The following CAMKMT variants were observed in gnomAD, a reference collection of about 807,000 sequenced individuals.
The protein encoded by CAMKMT is CaM KMT.
A neutral mutation model predicts 48.0 loss-of-function variants in CAMKMT; 53 were observed. The observed-to-expected ratio is 1.10, with a 90% CI of 0.89 to 1.39. The LOEUF (loss-of-function observed/expected upper bound fraction) is 1.39, where lower values mean the gene tolerates loss of function less well. Among genes scored for constraint, CAMKMT ranks in the 40% most tolerant of loss-of-function variants. CAMKMT has a pLI of 0.00. For missense variants in CAMKMT, 428 were observed against 402.7 expected (o/e 1.06, Z -0.54); for synonymous variants, 165 against 152.3 (o/e 1.08, Z -0.61).
intron 3 of CAMKMT, among the ~76,000 whole-genome samples, chr2:44,415,038 G>C (rs1683457959): frequency 1.3e-5 from 2 of 152,202 alleles, no homozygotes; most frequent in Admixed American, 6.5e-5. Flanking sequence ...TGTAGTCCTA[G>C]CTACTCAGGA....
intron 1 of CAMKMT, among the ~76,000 whole-genome samples, chr2:44,362,938 C>T (rs1358376385): frequency 1.3e-5 from 2 of 152,200 alleles, no homozygotes; most frequent in Non-Finnish European, 2.9e-5. Flanking sequence ...CAGTGTTATG[C>T]CTCTGCCTGA....
intron 3 of CAMKMT, among the ~76,000 whole-genome samples, chr2:44,674,861 A>G (rs1675578419): frequency 6.6e-6 from 1 of 151,976 alleles, no homozygotes; most frequent in Non-Finnish European, 1.5e-5. Context: ...CATTCTTGGC[A>G]TGTAATGATT....
chr2:44,531,233 A>C (rs919425754), intron 3 of CAMKMT, among the ~76,000 whole-genome samples: 4 of 152,108 alleles, frequency 2.6e-5, no homozygotes, highest in Non-Finnish European at 4.4e-5. Context: ...CCCAATTCTT[A>C]AGAGGTTGCC....
At chr2:44,652,549 C>G (rs1005445881) in intron 3 of CAMKMT, among the ~76,000 whole-genome samples, 3 of 152,168 alleles carry the variant, frequency 2.0e-5, no homozygotes, top group Non-Finnish European at 4.4e-5. Flanking sequence ...ATTCACTGGT[C>G]TGAATTTACT....
chr2:44,571,855 AGTT>A (rs1188298817), intron 3 of CAMKMT, among the ~76,000 whole-genome samples: 1 of 152,152 alleles, frequency 6.6e-6, no homozygotes, highest in Non-Finnish European at 1.5e-5. Context: ...AACAAATAAC[AGTT>A]ATTACTTGCA....
At chr2:44,647,527 A>G (rs1164462354) in intron 3 of CAMKMT, among the ~76,000 whole-genome samples, 2 of 152,194 alleles carry the variant, frequency 1.3e-5, no homozygotes, top group African/African-American at 4.8e-5. Context: ...TACTTCATGC[A>G]GTTACTCATA....
chr2:44,479,876 G>T (rs930110743), intron 3 of CAMKMT, among the ~76,000 whole-genome samples: 1 of 152,284 alleles, frequency 6.6e-6, no homozygotes, highest in South Asian at 2.1e-4. Flanking sequence ...ATTTTATGGT[G>T]TTAAATTATG....
At chr2:44,620,930 T>C (rs903370873) in intron 3 of CAMKMT, among the ~76,000 whole-genome samples, 17 of 152,208 alleles carry the variant, frequency 1.1e-4, no homozygotes, top group African/African-American at 4.1e-4. Flanking sequence ...GTCTTTAGGA[T>C]TGCTAAGAAA....
intron 3 of CAMKMT, among the ~76,000 whole-genome samples, chr2:44,596,750 G>A (rs1474144019): frequency 6.6e-6 from 1 of 152,168 alleles, no homozygotes; most frequent in South Asian, 2.1e-4. Context: ...CCAGTGAACC[G>A]TGGAAATCTC....
intron 3 of CAMKMT, among the ~76,000 whole-genome samples, chr2:44,572,278 C>A (rs1668948957): frequency 6.6e-6 from 1 of 152,182 alleles, no homozygotes; most frequent in Non-Finnish European, 1.5e-5. Flanking sequence ...AACTCCTGGG[C>A]TCAAGCAATC....
chr2:44,616,869 C>G (rs1311183049), intron 3 of CAMKMT, among the ~76,000 whole-genome samples: 1 of 152,050 alleles, frequency 6.6e-6, no homozygotes, highest in Non-Finnish European at 1.5e-5. Context: ...GAAGACATTT[C>G]AAATAGAAAC....
At chr2:44,365,979 T>C (rs937179622) in intron 1 of CAMKMT, among the ~76,000 whole-genome samples, 1 of 152,242 alleles carries the variant, frequency 6.6e-6, no homozygotes, top group Non-Finnish European at 1.5e-5. Flanking sequence ...ACGATACATA[T>C]TCCAAGTGAA....
At chr2:44,673,427 TA>T (rs74625457) in intron 3 of CAMKMT, among the ~76,000 whole-genome samples, 13,507 of 111,364 alleles carry the variant, frequency 0.12, 851 homozygotes, top group Middle Eastern at 0.2. Flanking sequence ...AGACCCTGTT[TA>T]AAAAAAAAAA....
intron 3 of CAMKMT, among the ~76,000 whole-genome samples, chr2:44,417,319 C>G (rs917925273): frequency 6.6e-6 from 1 of 151,982 alleles, no homozygotes; most frequent in African/African-American, 2.4e-5. Flanking sequence ...TGCTTGAATC[C>G]GGGAGGCAGA....
chr2:44,448,952 A>G (rs1318665453), intron 3 of CAMKMT, among the ~76,000 whole-genome samples: 1 of 152,192 alleles, frequency 6.6e-6, no homozygotes, highest in Non-Finnish European at 1.5e-5. Flanking sequence ...CTGTAGAGAC[A>G]GTAGATTAGT....
chr2:44,449,840 A>AT (rs1374385130), intron 3 of CAMKMT, among the ~76,000 whole-genome samples: 2 of 151,980 alleles, frequency 1.3e-5, no homozygotes, highest in Non-Finnish European at 2.9e-5. Context: ...AGTACTAGAA[A>AT]TTTTTTTCCT....
chr2:44,383,151 A>ATTTAT (rs1460024202), intron 2 of CAMKMT, among the ~76,000 whole-genome samples: 1 of 150,468 alleles, frequency 6.6e-6, no homozygotes, highest in East Asian at 2.0e-4. Flanking sequence ...TCAGTTGATA[A>ATTTAT]TTTATTTTAT....
At chr2:44,488,965 A>G (rs1053966157) in intron 3 of CAMKMT, among the ~76,000 whole-genome samples, 1 of 151,808 alleles carries the variant, frequency 6.6e-6, no homozygotes, top group East Asian at 1.9e-4. Flanking sequence ...TCGTGGGCTC[A>G]AGGGATCCTC....
At chr2:44,611,304 A>T (rs1160057151) in intron 3 of CAMKMT, among the ~76,000 whole-genome samples, 1 of 151,986 alleles carries the variant, frequency 6.6e-6, no homozygotes, top group East Asian at 1.9e-4. Flanking sequence ...GTGGTGGTAC[A>T]CACCTGTAAT....
Sources: allele counts gnomAD v4.1 joint callset (sites outside exome capture counted in the v4.1 genomes callset), GRCh38; gene constraint gnomAD v4.1.1; transcripts MANE v1.5; gene names NCBI Gene and HGNC (gene_info 2026-07-23, HGNC 2026-07-21).